The following SBF2 variants were observed in gnomAD, a reference collection of about 807,000 sequenced individuals.
SBF2 encodes myotubularin-related protein 13.
In SBF2, 112 loss-of-function variants were observed where a neutral mutation model predicts 225.2. That is an observed-to-expected ratio of 0.50 (90% CI 0.43 to 0.58). The LOEUF (loss-of-function observed/expected upper bound fraction) is 0.58. Ranked by LOEUF, SBF2 falls within the 20% of genes least tolerant of loss-of-function variation. The pLI is 0.00. For missense variants in SBF2, 1,996 were observed against 2,206.2 expected (o/e 0.90, Z 1.91); for synonymous variants, 763 against 773.3 (o/e 0.99, Z 0.22).
intron 2 of SBF2, among the ~76,000 whole-genome samples, chr11:10,050,139 CAT>C (rs1950009669): frequency 6.6e-6 from 1 of 152,174 alleles, no homozygotes; most frequent in African/African-American, 2.4e-5. Flanking sequence ...TACTAAAAAA[CAT>C]ACACTAGAGA....
chr11:10,030,701 A>C (rs1949220134), intron 4 of SBF2, among the ~76,000 whole-genome samples: 1 of 152,204 alleles, frequency 6.6e-6, no homozygotes, highest in South Asian at 2.1e-4. Flanking sequence ...CTGATTCCTC[A>C]CAAGGTGAAT....
At chr11:10,249,098 C>CA (rs540667465) in intron 1 of SBF2, among the ~76,000 whole-genome samples, 93 of 122,710 alleles carry the variant, frequency 7.6e-4, no homozygotes, top group East Asian at 9.5e-4. Context: ...TCCGTCTCAA[C>CA]AAAAAAAAAA....
chr11:10,179,188 CTG>C (rs1434663723), intron 2 of SBF2, among the ~76,000 whole-genome samples: 2 of 142,920 alleles, frequency 1.4e-5, no homozygotes, highest in Non-Finnish European at 3.0e-5. Context: ...ACTCTGGGGA[CTG>C]TTGTATGGTG....
intron 1 of SBF2, among the ~76,000 whole-genome samples, chr11:10,212,026 T>A (rs892600287): frequency 2.6e-5 from 4 of 152,234 alleles, no homozygotes; most frequent in African/African-American, 7.2e-5. Context: ...AGGCTGAACC[T>A]TTCAAGTCTT....
intron 3 of SBF2, among the ~76,000 whole-genome samples, chr11:10,036,046 T>G (rs1590808069): frequency 6.6e-6 from 1 of 152,170 alleles, no homozygotes; most frequent in Middle Eastern, 3.4e-3. Flanking sequence ...ATTAAGCAAA[T>G]GTGGCACATA....
At chr11:10,186,649 C>T (rs60161297) in intron 2 of SBF2, among the ~76,000 whole-genome samples, 1,624 of 152,256 alleles carry the variant, frequency 0.011, 35 homozygotes, top group African/African-American at 0.037. Context: ...TAAATCATTG[C>T]CATTGGTGAC....
intron 6 of SBF2, among the ~76,000 whole-genome samples, chr11:10,017,522 C>A (rs183049982): frequency 4.6e-5 from 7 of 151,534 alleles, no homozygotes; most frequent in Admixed American, 2.7e-4. Flanking sequence ...TCCTTAACTT[C>A]ATGGATTAAC....
chr11:9,838,221 A>AT (rs1404520100), intron 26 of SBF2: 1 of 150,334 alleles, frequency 6.7e-6, no homozygotes, highest in Non-Finnish European at 1.5e-5. Flanking sequence ...CTTTTGGATT[A>AT]TTTTTTATTA....
At chr11:9,801,224 T>C (rs1304551053) in intron 32 of SBF2, among the ~76,000 whole-genome samples, 1 of 152,230 alleles carries the variant, frequency 6.6e-6, no homozygotes, top group Non-Finnish European at 1.5e-5. Flanking sequence ...TTGTTGCAGG[T>C]TAAAAAGTAT....
At chr11:10,216,416 A>G (rs1023055117) in intron 1 of SBF2, among the ~76,000 whole-genome samples, 1 of 152,274 alleles carries the variant, frequency 6.6e-6, no homozygotes, top group Non-Finnish European at 1.5e-5. Flanking sequence ...ATAGCTTCTC[A>G]GCTGTTTGAA....
chr11:10,267,824 T>C (rs1781225193), intron 1 of SBF2, among the ~76,000 whole-genome samples: 1 of 152,114 alleles, frequency 6.6e-6, no homozygotes, highest in Non-Finnish European at 1.5e-5. Flanking sequence ...AGTAATATGG[T>C]TTTTTAGTAA....
chr11:10,092,875 C>T (rs185122618), intron 2 of SBF2, among the ~76,000 whole-genome samples: 54 of 151,892 alleles, frequency 3.6e-4, no homozygotes, highest in African/African-American at 1.1e-3. Context: ...TACCCTAGAA[C>T]GAGCATAAGA....
chr11:10,128,990 A>G (rs963473101), intron 2 of SBF2, among the ~76,000 whole-genome samples: 1 of 148,900 alleles, frequency 6.7e-6, no homozygotes, highest in Non-Finnish European at 1.5e-5. Flanking sequence ...CTACAGGCTA[A>G]AAGAGTCATG....
chr11:10,121,390 G>T (rs1953440366), intron 2 of SBF2, among the ~76,000 whole-genome samples: 1 of 152,084 alleles, frequency 6.6e-6, no homozygotes, highest in Non-Finnish European at 1.5e-5. Flanking sequence ...CTTAAGAAAG[G>T]ATTTAATATG....
chr11:10,206,768 G>A (rs12279936), intron 1 of SBF2, among the ~76,000 whole-genome samples: 3,137 of 152,086 alleles, frequency 0.021, 84 homozygotes, highest in African/African-American at 0.062. Context: ...AACTTGAGGT[G>A]AAATCAGTAG....
intron 1 of SBF2, among the ~76,000 whole-genome samples, chr11:10,235,981 C>T (rs1028129060): frequency 4.0e-5 from 6 of 151,736 alleles, no homozygotes; most frequent in Non-Finnish European, 8.8e-5. Flanking sequence ...TGAGATAGGA[C>T]AATCATTTGA....
At chr11:9,854,377 T>C (rs185238426) in intron 19 of SBF2, among the ~76,000 whole-genome samples, 126 of 152,310 alleles carry the variant, frequency 8.3e-4, no homozygotes, top group African/African-American at 2.9e-3. Context: ...CTGCCCTTCT[T>C]GCTTATTCAG....
rs564407533 is a variant in SBF2, at chr11:10,149,588, C to T, written c.141+44314G>A. Reference sequence around the variant, plus strand: ...GTAAGAGTTTTACAAACATTCATCACATGACATAGATTTCTAGCCATCCCA... The same window carrying T: ...GTAAGAGTTTTACAAACATTCATCATATGACATAGATTTCTAGCCATCCCA... On this transcript the variant is annotated intron_variant, in intron 2 of 39. Coordinates refer to ENST00000256190, the MANE Select transcript of SBF2 (RefSeq NM_030962.4). 60 of 152,300 alleles carry T rather than the reference C, an allele frequency of 3.9e-4. 1 individual carries two copies. Among genetic ancestry groups the T allele is most frequent in the African/African-American group, 1.3e-3 (54 of 41,564 alleles). 9.4% of individuals were successfully genotyped at this position (152,300 alleles called of 1,614,324 possible). A position where few individuals can be genotyped will look rare whatever the true frequency, so the allele number is the denominator to read the frequency against.
chr11:10,272,766 AAATAAT>A (rs140871661), intron 1 of SBF2, among the ~76,000 whole-genome samples: 4 of 144,402 alleles, frequency 2.8e-5, no homozygotes, highest in Non-Finnish European at 6.0e-5. Context: ...CCTTGTCTTA[AAATAAT>A]AATAATAATA....
Sources: allele counts gnomAD v4.1 joint callset (sites outside exome capture counted in the v4.1 genomes callset), GRCh38; gene constraint gnomAD v4.1.1; transcripts MANE v1.5; gene names NCBI Gene and HGNC (gene_info 2026-07-23, HGNC 2026-07-21).